ZRANB2: variants seen among roughly 807,000 people sequenced by gnomAD.
ZRANB2 encodes zinc finger RANBP2-type containing 2.
A neutral mutation model predicts 53.4 loss-of-function variants in ZRANB2; 19 were observed. That is an observed-to-expected ratio of 0.36 (90% CI 0.25 to 0.52). The LOEUF (loss-of-function observed/expected upper bound fraction) is 0.52. Among genes scored for constraint, ZRANB2 ranks in the 20% least tolerant of loss-of-function variants. The probability of loss-of-function intolerance (pLI) is 0.93; values close to 1 mark genes in which losing one functional copy is unlikely to be tolerated. For synonymous variants in ZRANB2, 145 were observed against 134.8 expected, an observed-to-expected ratio of 1.08 and a Z score of -0.52; for missense variants, 309 against 401.1, an observed-to-expected ratio of 0.77 and a Z score of 1.96.
chr1:71,065,771 T>A, intron 9 of ZRANB2: 1 of 1,612,090 alleles, frequency 6.2e-7, no homozygotes, highest in South Asian at 1.1e-5. Context: ...ATAGAGAACA[T>A]GTTCATTAAG....
At position 71,073,524 on chromosome 1, in the gene ZRANB2, A is replaced by T. The variant is rs185107078; in HGVS notation, c.302-976T>A. 2.6e-3 allele frequency among the ~76,000 whole-genome samples: 394 copies of T among 152,010 alleles called. 1 individual carries two copies. Among genetic ancestry groups the T allele is most frequent in the African/African-American group, 9.2e-3 (382 of 41,554 alleles). ...ATTTGCCTATCATATTTAAAAAAAT[A>T]TTTTTAAAATTTCACTTTCTGAAAA... On this transcript the variant is annotated intron_variant, in intron 4 of 9. Coordinates refer to ENST00000370920, the MANE Select transcript of ZRANB2 (RefSeq NM_203350.3).
Position 71,064,188 on chromosome 1 carries a change from A to C in ZRANB2, c.*886T>G, listed in dbSNP as rs934945886. On this transcript the variant is annotated 3_prime_UTR_variant, in exon 10 of 10. Transcript: ENST00000370920. ...CATCTTGAGGCAAATGTTCACTTAA[A>C]TTCACAATGTCTCCATTGGCCTTTC... The C allele has an allele frequency of 6.6e-6, 1 of 152,410 alleles. No individual in the cohort carries two copies. The highest frequency in any genetic ancestry group is 1.5e-5 in the Non-Finnish European group (1 of 67,894). 9.4% of individuals were successfully genotyped at this position (152,410 alleles called of 1,614,324 possible). A position where few individuals can be genotyped will look rare whatever the true frequency, so the allele number is the denominator to read the frequency against.
chr1:71,080,844 G>A (rs996328637), intron 1 of ZRANB2, 96 bp downstream of exon 1: 16 of 1,453,112 alleles, frequency 1.1e-5, no homozygotes, highest in Middle Eastern at 1.7e-4. Flanking sequence ...CCCGTCTTAA[G>A]GCACAGAAAA....
intron 4 of ZRANB2, 87 bp from the exon 5 acceptor site, chr1:71,072,635 A>G: frequency 1.0e-6 from 1 of 988,450 alleles, no homozygotes; most frequent in Non-Finnish European, 1.5e-6. Flanking sequence ...ACAACAAAAA[A>G]CATCTAATCA....
chr1:71,076,697 T>C, intron 4 of ZRANB2, 98 bp downstream of exon 4: 1 of 892,598 alleles, frequency 1.1e-6, no homozygotes. Flanking sequence ...AACAGAATCC[T>C]CACTTACTGT....
chr1:71,076,786 T>C lies in ZRANB2; in HGVS notation c.301+9A>G, dbSNP rs1374848526. Reference sequence around the variant, plus strand: ...AAAATCATTTAGTTACAATGTGGTTTTATCATACCTGTTCTTTCTTCTAAT... The same window carrying C: ...AAAATCATTTAGTTACAATGTGGTTCTATCATACCTGTTCTTTCTTCTAAT... On this transcript the variant is annotated intron_variant, in intron 4 of 9. Coordinates refer to ENST00000370920, the MANE Select transcript of ZRANB2 (RefSeq NM_203350.3). 1.3e-6 allele frequency: 2 copies of C among 1,595,146 alleles called. No individual in the cohort carries two copies. Among genetic ancestry groups the C allele is most frequent in the Non-Finnish European group, 1.7e-6 (2 of 1,167,042 alleles).
At chr1:71,079,413 AT>A (rs1316346983) in intron 1 of ZRANB2, among the ~76,000 whole-genome samples, 2 of 152,202 alleles carry the variant, frequency 1.3e-5, no homozygotes, top group East Asian at 1.9e-4. Flanking sequence ...GTACGTGTAT[AT>A]TGGTAAAAGT....
intron 1 of ZRANB2, 107 bp from the exon 2 acceptor site, chr1:71,078,815 G>A: frequency 1.0e-6 from 1 of 969,938 alleles, no homozygotes; most frequent in South Asian, 1.6e-5. Flanking sequence ...ATCCATCTTA[G>A]TCATGTTAAT....
intron 3 of ZRANB2, 112 bp downstream of exon 3, chr1:71,078,345 T>G: frequency 2.3e-6 from 2 of 858,468 alleles, no homozygotes; most frequent in Non-Finnish European, 3.7e-6. Flanking sequence ...ACCTTGGATT[T>G]AAAAGGTTAC....
chr1:71,075,521 T>A (rs543740347), intron 4 of ZRANB2, among the ~76,000 whole-genome samples: 1 of 152,116 alleles, frequency 6.6e-6, no homozygotes, highest in Non-Finnish European at 1.5e-5. Context: ...ACTTGGGTTA[T>A]CATGGCAAAG....
chr1:71,078,323 C>T lies in ZRANB2; in HGVS notation c.218+134G>A. ...CTTTATACTATACTTAAAGATGAGA[C>T]TGAATAACAATACCTTGGATTTAAA... is the stretch of plus-strand genomic sequence containing the variant. On this transcript the variant is annotated intron_variant, in intron 3 of 9. Coordinates refer to ENST00000370920, the MANE Select transcript of ZRANB2 (RefSeq NM_203350.3). The T allele has an allele frequency of 5.7e-6, 4 of 705,486 alleles. No homozygotes were observed. The South Asian group carries it at 5.7e-5, about 10-fold the overall frequency. The allele number at this position is 705,486 out of a possible 1,614,324, so 43.7% of individuals were successfully genotyped here.
intron 4 of ZRANB2, 115 bp downstream of exon 4, chr1:71,076,680 C>A (rs561933463): frequency 1.6e-5 from 12 of 769,442 alleles, no homozygotes; most frequent in East Asian, 1.1e-4. Flanking sequence ...ACATTCAGGG[C>A]AGAATAAACA....
rs531436718 is a variant in ZRANB2 at position 71,063,994 on chromosome 1, A to G, written c.*1080T>C. The G allele has an allele frequency of 7.9e-5, 12 of 152,460 alleles. No homozygotes were observed. The highest frequency in any genetic ancestry group is 1.8e-4 in the Non-Finnish European group (12 of 67,890). The allele number at this position is 152,460 out of a possible 1,614,324, so 9.4% of individuals were successfully genotyped here. ...TATTTTTTAAACCAGAAAACAAACT[A>G]AAGCTCATGTGACCAGATTTTAATT... On this transcript the variant is annotated 3_prime_UTR_variant, in exon 10 of 10. Transcript: ENST00000370920.
intron 8 of ZRANB2, chr1:71,067,407 G>C (rs904386057): frequency 8.2e-6 from 2 of 243,942 alleles, no homozygotes; most frequent in African/African-American, 4.8e-5. Flanking sequence ...CCAGGTATAT[G>C]GCACAGCAAC....
intron 9 of ZRANB2, chr1:71,065,631 C>T: frequency 6.4e-7 from 1 of 1,567,554 alleles, no homozygotes; most frequent in Non-Finnish European, 8.6e-7. Flanking sequence ...GTACAATTTG[C>T]TATAGGGTTA....
intron 3 of ZRANB2, among the ~76,000 whole-genome samples, 174 bp downstream of exon 3, chr1:71,078,282 GA>G (rs1384939826): frequency 2.6e-5 from 4 of 152,084 alleles, no homozygotes; most frequent in African/African-American, 4.8e-5. Flanking sequence ...AAAATGCAAA[GA>G]ATAATTTAAA....
chr1:71,080,823 C>A, intron 1 of ZRANB2, 117 bp downstream of exon 1: 1 of 1,206,912 alleles, frequency 8.3e-7, no homozygotes, highest in Non-Finnish European at 1.2e-6. Flanking sequence ...ACTGGCGGTT[C>A]GCCGCCTCAA....
rs749446252 is a variant in ZRANB2 at position 71,069,335 on chromosome 1, C to T, written c.711G>A (p.Ser237=). 2.3e-5 allele frequency: 37 copies of T among 1,612,268 alleles called. No individual in the cohort carries two copies. The highest frequency in any genetic ancestry group is 1.7e-4 in the African/African-American group (13 of 74,688). Reference sequence around the variant, plus strand: ...TGGAACTGGAACGAGATCTTGACTGCGAACTGGAAGAACTTCTTGAACGGG... The same window carrying T: ...TGGAACTGGAACGAGATCTTGACTGTGAACTGGAAGAACTTCTTGAACGGG... ...SRSRSRSSSS[S]QSRSRSSSRE... is the part of the protein sequence containing the mutation. Residue 237 remains serine (S), a synonymous_variant, in exon 8 of 10, where the codon TCG becomes TCA. Transcript: ENST00000370920.
At chr1:71,078,210 T>G (rs749112757) in intron 3 of ZRANB2, among the ~76,000 whole-genome samples, 2 of 152,174 alleles carry the variant, frequency 1.3e-5, no homozygotes, top group Non-Finnish European at 2.9e-5. Context: ...GGTTTTGAGC[T>G]TACCATAAGC....
Sources: allele counts gnomAD v4.1 joint callset (sites outside exome capture counted in the v4.1 genomes callset), GRCh38; gene constraint gnomAD v4.1.1; transcripts MANE v1.5; gene names NCBI Gene and HGNC (gene_info 2026-07-23, HGNC 2026-07-21).